Variants in LRRC74B observed in about 807,000 individuals in gnomAD.
The protein encoded by LRRC74B is leucine rich repeat containing 74B.
A neutral mutation model predicts 16.6 loss-of-function variants in LRRC74B; 30 were observed. The ratio of observed to expected loss-of-function variants is 1.80; its 90% CI spans 1.35 to 2.45. LRRC74B has a LOEUF of 2.45. LRRC74B is among the 30% of genes most tolerant of loss of function. The pLI is 0.00. For synonymous variants in LRRC74B, 134 were observed against 86.0 expected (o/e 1.56, Z -3.09); for missense variants, 326 against 202.4 (o/e 1.61, Z -3.71).
At chr22:21,054,547 A>T (rs532468273) in intron 6 of LRRC74B, among the ~76,000 whole-genome samples, 3 of 152,258 alleles carry the variant, frequency 2.0e-5, no homozygotes, top group African/African-American at 7.2e-5. Context: ...CCCTGTGGGC[A>T]AGAAGGCCCC....
At chr22:21,058,053 T>A (rs1197234318) in intron 8 of LRRC74B, among the ~76,000 whole-genome samples, 1 of 74,406 alleles carries the variant, frequency 1.3e-5, no homozygotes, top group Non-Finnish European at 2.6e-5. Context: ...GCCCGGCTGA[T>A]TTTTTTTTTT....
At chr22:21,059,810 G>A (rs1202683013) in intron 8 of LRRC74B, among the ~76,000 whole-genome samples, 1 of 152,002 alleles carries the variant, frequency 6.6e-6, no homozygotes, top group African/African-American at 2.4e-5. Flanking sequence ...AACATAAGCT[G>A]AGATGACAGA....
chr22:21,049,120 C>G (rs193242696), exon 4 of LRRC74B: 1 of 715,984 alleles, frequency 1.4e-6, no homozygotes, highest in African/African-American at 1.7e-5. Context: ...ACCTGAAGTC[C>G]CTGGACCTGA....
At position 21,047,513 on chromosome 22, in the gene LRRC74B, A is replaced by G; in HGVS notation, c.282+15A>G. 1 of 717,128 alleles carries G rather than the reference A, an allele frequency of 1.4e-6. No homozygotes were observed. Among genetic ancestry groups the G allele is most frequent in the Non-Finnish European group, 2.6e-6 (1 of 384,956 alleles). 44.4% of individuals were successfully genotyped at this position (717,128 alleles called of 1,614,324 possible). On this transcript the variant is annotated intron_variant, in intron 2 of 8. Transcript: ENST00000442047. ...TGGGGCCCCAGGTACCACTGGAGGG[A>G]CACTGTATCCAGGCTTACGGGGAGA...
At chr22:21,060,037 G>A (rs974142516) in intron 8 of LRRC74B, among the ~76,000 whole-genome samples, 36 of 151,968 alleles carry the variant, frequency 2.4e-4, no homozygotes, top group Non-Finnish European at 4.6e-4. Flanking sequence ...ATGGTGGTGG[G>A]CACCTGTAGT....
At chr22:21,059,336 T>C (rs1930699495) in intron 8 of LRRC74B, among the ~76,000 whole-genome samples, 1 of 152,162 alleles carries the variant, frequency 6.6e-6, no homozygotes, top group Admixed American at 6.5e-5. Flanking sequence ...GAGGTTGCAG[T>C]GAGCCGAGAT....
At chr22:21,052,930 C>T (rs1930186950) in intron 5 of LRRC74B, among the ~76,000 whole-genome samples, 1 of 152,248 alleles carries the variant, frequency 6.6e-6, no homozygotes, top group Non-Finnish European at 1.5e-5. Flanking sequence ...ATGTCACACT[C>T]TGTCTTGCCA....
chr22:21,059,353 A>AT (rs1930700722), intron 8 of LRRC74B, among the ~76,000 whole-genome samples: 1 of 152,208 alleles, frequency 6.6e-6, no homozygotes, highest in Non-Finnish European at 1.5e-5. Flanking sequence ...AGATCGTGCC[A>AT]TTGCACTCCA....
chr22:21,060,197 A>G (rs1930742693), intron 8 of LRRC74B, among the ~76,000 whole-genome samples, 176 bp from the exon 9 acceptor site: 1 of 152,026 alleles, frequency 6.6e-6, no homozygotes, highest in Non-Finnish European at 1.5e-5. Flanking sequence ...AGGCCTCTAA[A>G]CATCCCCCAT....
At chr22:21,059,434 C>T (rs1304951601) in intron 8 of LRRC74B, among the ~76,000 whole-genome samples, 1 of 152,090 alleles carries the variant, frequency 6.6e-6, no homozygotes, top group Non-Finnish European at 1.5e-5. Flanking sequence ...TGGTGGTGCT[C>T]ACCTGTAACC....
downstream of LRRC74B, chr22:21,061,648 A>G (rs1015709110): frequency 3.8e-4 from 58 of 152,366 alleles, no homozygotes; most frequent in African/African-American, 1.3e-3. Flanking sequence ...CAATCAGTCA[A>G]TCACATGGCT....
chr22:21,059,087 A>G (rs1569202105), intron 8 of LRRC74B, among the ~76,000 whole-genome samples: 1 of 152,120 alleles, frequency 6.6e-6, no homozygotes, highest in Non-Finnish European at 1.5e-5. Context: ...ACCTGTCTTT[A>G]CTAATAATAC....
At position 21,055,518 on chromosome 22, in the gene LRRC74B, A is replaced by T. The variant is rs565584334; in HGVS notation, c.927+342A>T. Among the ~76,000 whole-genome samples the T allele has an allele frequency of 2.0e-5, 3 of 152,176 alleles. No homozygotes were observed. The East Asian group carries it at 5.8e-4, about 29-fold the overall frequency. Reference sequence around the variant, plus strand: ...GCCCCACCCAGGTGTTCTGTTGGCCACTGCTCAGGCCCACCTGAGGCCTGG... The same window carrying T: ...GCCCCACCCAGGTGTTCTGTTGGCCTCTGCTCAGGCCCACCTGAGGCCTGG... On this transcript the variant is annotated intron_variant, in intron 7 of 8. Coordinates refer to ENST00000442047, the Ensembl canonical transcript of LRRC74B.
At chr22:21,047,412 G>A in exon 2 of LRRC74B, 2 of 717,542 alleles carry the variant, frequency 2.8e-6, no homozygotes, top group Admixed American at 4.0e-5. Flanking sequence ...GTCTTGCCGG[G>A]CCCATAGTGT....
chr22:21,058,875 T>G (rs1601823801), intron 8 of LRRC74B, among the ~76,000 whole-genome samples: 1 of 152,216 alleles, frequency 6.6e-6, no homozygotes, highest in African/African-American at 2.4e-5. Context: ...TTGGAATCAG[T>G]TCAGGGTTGG....
chr22:21,047,742 T>A (rs1243611992), intron 2 of LRRC74B, 142 bp from the exon 3 acceptor site: 2 of 628,586 alleles, frequency 3.2e-6, no homozygotes, highest in Admixed American at 4.9e-5. Context: ...GGGGGAGACC[T>A]TCACAGAGCC....
At chr22:21,056,417 C>T (rs563127004) in intron 7 of LRRC74B, 2 of 151,924 alleles carry the variant, frequency 1.3e-5, no homozygotes, top group South Asian at 4.2e-4. Context: ...CAGGAGGATC[C>T]TTTGAACCCA....
chr22:21,053,432 G>A (rs1412504696), exon 6 of LRRC74B: 2 of 717,316 alleles, frequency 2.8e-6, no homozygotes, highest in South Asian at 3.0e-5. Context: ...TGCGGTGGGT[G>A]AGGCTCTGAA....
intron 4 of LRRC74B, among the ~76,000 whole-genome samples, chr22:21,050,057 G>A (rs1448559123): frequency 6.6e-6 from 1 of 152,020 alleles, no homozygotes; most frequent in Admixed American, 6.6e-5. Context: ...TATTTTTTGA[G>A]ACAGAGTCTC....
Sources: allele counts gnomAD v4.1 joint callset (sites outside exome capture counted in the v4.1 genomes callset), GRCh38; gene constraint gnomAD v4.1.1; transcripts MANE v1.5; gene names NCBI Gene and HGNC (gene_info 2026-07-23, HGNC 2026-07-21).